Variants in DAAM1 observed in about 807,000 individuals in gnomAD.
The protein encoded by DAAM1 is disheveled-associated activator of morphogenesis 1.
Under a neutral mutation model 130.0 loss-of-function variants are expected in DAAM1, and 52 were observed. The observed-to-expected ratio is 0.40, with a 90% confidence interval of 0.32 to 0.50. The LOEUF (loss-of-function observed/expected upper bound fraction) is 0.50. Among genes scored for constraint, DAAM1 ranks in the 20% least tolerant of loss-of-function variants. The pLI is 0.61. For missense variants in DAAM1, 1,134 were observed against 1,303.8 expected, an observed-to-expected ratio of 0.87 and a Z score of 2.01; for synonymous variants, 452 against 444.5, an observed-to-expected ratio of 1.02 and a Z score of -0.21.
chr14:59,276,248 A>G (rs1168841036), intron 2 of DAAM1, among the ~76,000 whole-genome samples: 1 of 152,222 alleles, frequency 6.6e-6, no homozygotes, highest in African/African-American at 2.4e-5. Flanking sequence ...ATGAATTATC[A>G]TAGCTTAATA....
At chr14:59,339,337 T>C (rs959863523) in intron 15 of DAAM1, among the ~76,000 whole-genome samples, 1 of 152,244 alleles carries the variant, frequency 6.6e-6, no homozygotes, top group African/African-American at 2.4e-5. Flanking sequence ...CAAGTTAGCC[T>C]TGAACTTTTT....
chr14:59,273,921 A>AAT (rs1882836727), intron 2 of DAAM1, among the ~76,000 whole-genome samples: 1 of 152,208 alleles, frequency 6.6e-6, no homozygotes, highest in Non-Finnish European at 1.5e-5. Flanking sequence ...TAATTGCTCA[A>AAT]TACCATGGAT....
intron 1 of DAAM1, among the ~76,000 whole-genome samples, chr14:59,196,560 G>A (rs781725854): frequency 1.3e-5 from 2 of 152,100 alleles, no homozygotes; most frequent in African/African-American, 2.4e-5. Context: ...TGGCTAACAC[G>A]GTGAAACCCC....
intron 1 of DAAM1, among the ~76,000 whole-genome samples, chr14:59,227,980 T>C (rs1888992971): frequency 6.6e-6 from 1 of 152,094 alleles, no homozygotes; most frequent in East Asian, 1.9e-4. Context: ...CTAGAAAAGG[T>C]TTACCTGCAA....
At chr14:59,332,050 A>G in intron 15 of DAAM1, 130 bp downstream of exon 15, 10 of 745,502 alleles carry the variant, frequency 1.3e-5, no homozygotes, top group Middle Eastern at 2.4e-4. Flanking sequence ...TACCCTGTGC[A>G]TGTCCGTGTC....
intron 2 of DAAM1, among the ~76,000 whole-genome samples, chr14:59,274,936 C>T (rs1203298009): frequency 6.6e-6 from 1 of 152,208 alleles, no homozygotes; most frequent in Non-Finnish European, 1.5e-5. Flanking sequence ...AGTCTCTGTA[C>T]TGTATATTAC....
At chr14:59,315,513 G>A (rs1312958956) in intron 4 of DAAM1, among the ~76,000 whole-genome samples, 162 bp downstream of exon 4, 1 of 152,170 alleles carries the variant, frequency 6.6e-6, no homozygotes, top group Non-Finnish European at 1.5e-5. Flanking sequence ...AAGAGGGTAG[G>A]AGGGATACTT....
intron 15 of DAAM1, among the ~76,000 whole-genome samples, 164 bp downstream of exon 15, chr14:59,332,084 T>C (rs1489700896): frequency 6.6e-6 from 1 of 152,256 alleles, no homozygotes; most frequent in Admixed American, 6.5e-5. Flanking sequence ...CTGTTAGTTG[T>C]ATGTGAACAG....
chr14:59,313,669 CTG>C (rs1278036599), intron 3 of DAAM1, among the ~76,000 whole-genome samples: 1 of 152,176 alleles, frequency 6.6e-6, no homozygotes, highest in East Asian at 1.9e-4. Context: ...TTGAATATCA[CTG>C]TGAGTTTTGG....
intron 1 of DAAM1, among the ~76,000 whole-genome samples, chr14:59,214,915 C>T (rs1888531487): frequency 6.6e-6 from 1 of 152,160 alleles, no homozygotes; most frequent in Non-Finnish European, 1.5e-5. Context: ...TGAGGAAATG[C>T]CAAATGGTTT....
In DAAM1 at chr14:59,263,872, G is replaced by A. The variant is rs1882304716; in HGVS notation, c.183+212G>A. On this transcript the variant is annotated intron_variant, in intron 2 of 24. Transcript: ENST00000360909. ...TAGTATTACTACATCCAAGTGCTTT[G>A]CTTGTGCTTTAAGTGGGTGGAGGGA... The A allele has an allele frequency of 4.8e-6, 3 of 618,932 alleles. No homozygotes were observed. In the Admixed American group the frequency reaches 8.3e-5, roughly 17 times the overall value. The allele number at this position is 618,932 out of a possible 1,614,324, so 38.3% of individuals were successfully genotyped here.
At chr14:59,216,209 C>T (rs1888575682) in intron 1 of DAAM1, among the ~76,000 whole-genome samples, 1 of 152,200 alleles carries the variant, frequency 6.6e-6, no homozygotes. Context: ...GAGGACCCTG[C>T]ATTCTGACCT....
chr14:59,266,964 A>C (rs1464091898), intron 2 of DAAM1, among the ~76,000 whole-genome samples: 2 of 152,224 alleles, frequency 1.3e-5, no homozygotes, highest in African/African-American at 4.8e-5. Context: ...GGGTTGGTGT[A>C]GAGGTGAAAG....
Position 59,369,683 on chromosome 14 carries a change from A to T in DAAM1, c.*824A>T, listed in dbSNP as rs1477783006. 7 of 151,382 alleles carry T rather than the reference A, an allele frequency of 4.6e-5. No homozygotes were observed. Among genetic ancestry groups the T allele is most frequent in the Non-Finnish European group, 1.5e-5 (1 of 67,834 alleles). 9.4% of individuals were successfully genotyped at this position (151,382 alleles called of 1,614,324 possible). ...GCTTGTTCTAACAATATAGATATAT[A>T]AACCTTAAAAATAATAAAATATCTC... is the stretch of plus-strand genomic sequence containing the variant. On this transcript the variant is annotated 3_prime_UTR_variant, in exon 25 of 25. Coordinates refer to ENST00000360909, the MANE Select transcript of DAAM1 (RefSeq NM_001270520.2).
rs549891331 is a variant in DAAM1, at chr14:59,368,873, C to CTT, written c.*21_*22dup. 1 of 1,610,620 alleles carries CTT rather than the reference C, an allele frequency of 6.2e-7. No individual in the cohort carries two copies. The highest frequency in any genetic ancestry group is 8.5e-7 in the Non-Finnish European group (1 of 1,177,910). ...CTTAATTTCTAATTTTCCATGAATACTTTTTTTTAGAAAGCTCATTAGCAG... is the reference window on the plus strand; with the variant it reads ...CTTAATTTCTAATTTTCCATGAATACTTTTTTTTTTAGAAAGCTCATTAGCAG... On this transcript the variant is annotated 3_prime_UTR_variant, in exon 25 of 25. Transcript: ENST00000360909.
intron 3 of DAAM1, chr14:59,299,809 A>G (rs1036746972): frequency 6.6e-6 from 1 of 152,138 alleles, no homozygotes; most frequent in Non-Finnish European, 1.5e-5. Context: ...GATTTCCAGA[A>G]TTAAGGAACA....
chr14:59,221,348 G>T (rs182689641), intron 1 of DAAM1, among the ~76,000 whole-genome samples: 1 of 152,274 alleles, frequency 6.6e-6, no homozygotes, highest in East Asian at 1.9e-4. Context: ...ACACACAAAC[G>T]TATTCATAAC....
At chr14:59,338,500 T>G (rs1594833725) in intron 15 of DAAM1, 1 of 1,044,534 alleles carries the variant, frequency 9.6e-7, no homozygotes, top group Non-Finnish European at 1.3e-6. Context: ...CAGGGTTTTG[T>G]TTTTGTTTTT....
At chr14:59,356,763 A>T (rs1322316303) in intron 20 of DAAM1, among the ~76,000 whole-genome samples, 1 of 152,250 alleles carries the variant, frequency 6.6e-6, no homozygotes, top group African/African-American at 2.4e-5. Flanking sequence ...CCTGGCACTT[A>T]CGTGATTATC....
Sources: gnomAD v4.1 joint callset for allele counts (sites outside exome capture counted in the v4.1 genomes callset) on GRCh38, gnomAD v4.1.1 for gene constraint, MANE v1.5 for transcripts, NCBI Gene and HGNC (gene_info 2026-07-23, HGNC 2026-07-21) for gene names.